ZNF365: variants seen among roughly 807,000 people sequenced by gnomAD.
ZNF365 encodes the protein zinc finger protein 365, also known as protein ZNF365.
A neutral mutation model predicts 35.0 loss-of-function variants in ZNF365; 22 were observed. The observed-to-expected ratio is 0.63, with a 90% CI of 0.45 to 0.90. The LOEUF (loss-of-function observed/expected upper bound fraction) is 0.90. ZNF365 is among the 40% of genes least tolerant of loss of function. The pLI, the probability that ZNF365 is intolerant of heterozygous loss-of-function variation, is 0.00. For missense variants in ZNF365, 448 were observed against 500.3 expected (o/e 0.90, Z 1.00); for synonymous variants, 188 against 196.2 (o/e 0.96, Z 0.35).
At position 62,419,390 on chromosome 10, in the gene ZNF365, G is replaced by A. The variant is rs550684484; in HGVS notation, c.924+30814G>A. Among the ~76,000 whole-genome samples, 4 of 151,682 alleles carry A rather than the reference G, an allele frequency of 2.6e-5. 1 individual carries two copies. The East Asian group carries it at 7.8e-4, about 30-fold the overall frequency. On this transcript the variant is annotated intron_variant, in intron 3 of 4. Transcript: ENST00000395255. ...GCTGAGGCAAAACATATAATTTAAA[G>A]GGTTTATTTGAGCCAAAGGGAGGAC...
At chr10:62,434,194 G>A (rs74158904) in intron 3 of ZNF365, among the ~76,000 whole-genome samples, 20,265 of 152,140 alleles carry the variant, frequency 0.13, 1,450 homozygotes, top group African/African-American at 0.17. Flanking sequence ...GTTCAGACAA[G>A]TTTGGGAAAC....
In ZNF365 at chr10:62,396,262, T is replaced by C. The variant is rs115597325; in HGVS notation, c.925-2478T>C. ...TATGTATGTACATGAACACATAGTT[T>C]TTAAGAATACAGTACAGAGTGAAGC... is the stretch of plus-strand genomic sequence containing the variant. On this transcript the variant is annotated intron_variant, in intron 3 of 4. Transcript: ENST00000395254. 1.7e-3 allele frequency among the ~76,000 whole-genome samples: 260 copies of C among 152,360 alleles called. 1 individual carries two copies. The highest frequency in any genetic ancestry group is 6.0e-3 in the African/African-American group (249 of 41,586).
intron 3 of ZNF365, among the ~76,000 whole-genome samples, chr10:62,415,659 G>T (rs1296073882): frequency 1.3e-5 from 2 of 152,142 alleles, no homozygotes; most frequent in Non-Finnish European, 2.9e-5. Context: ...TATGTTTTCT[G>T]TTTAACTTTT....
chr10:62,452,534 T>C (rs1301253498), intron 3 of ZNF365, among the ~76,000 whole-genome samples: 1 of 152,230 alleles, frequency 6.6e-6, no homozygotes, highest in Non-Finnish European at 1.5e-5. Context: ...TCCTTGAAGC[T>C]ACATATTAAG....
chr10:62,450,477 C>T (rs552958486), intron 3 of ZNF365, among the ~76,000 whole-genome samples: 1 of 152,140 alleles, frequency 6.6e-6, no homozygotes, highest in African/African-American at 2.4e-5. Flanking sequence ...TCTTGAGATT[C>T]TTAATAATTT....
chr10:62,466,706 T>C (rs1004727276), intron 4 of ZNF365, among the ~76,000 whole-genome samples: 21 of 152,192 alleles, frequency 1.4e-4, no homozygotes, highest in African/African-American at 5.1e-4. Context: ...AGTTTTTTTT[T>C]TTTCTTAATC....
intron 3 of ZNF365, among the ~76,000 whole-genome samples, chr10:62,436,066 CTG>C (rs1330796588): frequency 6.6e-6 from 1 of 152,104 alleles, no homozygotes; most frequent in East Asian, 1.9e-4. Context: ...TACTTTAAGA[CTG>C]TTACTTTTCT....
chr10:62,446,862 G>T (rs1343122169), intron 3 of ZNF365, among the ~76,000 whole-genome samples: 1 of 152,064 alleles, frequency 6.6e-6, no homozygotes, highest in Non-Finnish European at 1.5e-5. Context: ...TGTGGGAGGC[G>T]GTAGTGGAGG....
At chr10:62,478,819 C>A (rs2132497879) in intron 4 of ZNF365, among the ~76,000 whole-genome samples, 1 of 152,208 alleles carries the variant, frequency 6.6e-6, no homozygotes, top group East Asian at 1.9e-4. Context: ...CGTGATCTGC[C>A]TGCCTCGGCC....
rs566293201 is a variant in ZNF365, at chr10:62,422,571, G to A, written c.924+33995G>A. Among the ~76,000 whole-genome samples, 9 of 152,316 alleles carry A rather than the reference G, an allele frequency of 5.9e-5. No homozygotes were observed. The East Asian group carries it at 1.7e-3, about 29-fold the overall frequency. Reference sequence around the variant, plus strand: ...CATGTCTATGGCAGCTAGAGGTGCTGTACAAATGGAGCTGTGAGAAAACCC... The same window carrying A: ...CATGTCTATGGCAGCTAGAGGTGCTATACAAATGGAGCTGTGAGAAAACCC... On this transcript the variant is annotated intron_variant, in intron 3 of 4. Coordinates refer to the ZNF365 transcript ENST00000395255.
At chr10:62,438,002 T>C (rs1476896106) in intron 3 of ZNF365, among the ~76,000 whole-genome samples, 1 of 152,198 alleles carries the variant, frequency 6.6e-6, no homozygotes, top group Non-Finnish European at 1.5e-5. Flanking sequence ...TAACAGCTGG[T>C]GCTGGACAGC....
intron 3 of ZNF365, among the ~76,000 whole-genome samples, chr10:62,417,292 C>T (rs1032196741): frequency 6.6e-6 from 1 of 152,066 alleles, no homozygotes; most frequent in Non-Finnish European, 1.5e-5. Flanking sequence ...TAGACTACTT[C>T]AGTACTTTGT....
intron 4 of ZNF365, among the ~76,000 whole-genome samples, chr10:62,468,891 T>C (rs1290086954): frequency 6.6e-6 from 1 of 152,204 alleles, no homozygotes; most frequent in African/African-American, 2.4e-5. Flanking sequence ...AGATCAACTG[T>C]AGAAAGGGCA....
intron 3 of ZNF365, among the ~76,000 whole-genome samples, chr10:62,449,714 A>G (rs954957084): frequency 6.6e-6 from 1 of 152,146 alleles, no homozygotes; most frequent in Non-Finnish European, 1.5e-5. Context: ...CAAAATTGTC[A>G]CTATCATCTT....
chr10:62,476,327 G>A (rs1042253090), intron 4 of ZNF365, among the ~76,000 whole-genome samples: 1 of 152,140 alleles, frequency 6.6e-6, no homozygotes, highest in African/African-American at 2.4e-5. Context: ...GATTTGGGAG[G>A]AAAAGTGTGC....
chr10:62,459,849 G>T, intron 4 of ZNF365: 3 of 1,528,576 alleles, frequency 2.0e-6, no homozygotes, highest in Non-Finnish European at 2.7e-6. Context: ...ATAACCAGCA[G>T]CCCATCTGGG....
At chr10:62,468,772 G>A (rs1840985465) in intron 4 of ZNF365, among the ~76,000 whole-genome samples, 1 of 152,180 alleles carries the variant, frequency 6.6e-6, no homozygotes. Flanking sequence ...ATTAACAGCA[G>A]AAACAATAGC....
chr10:62,386,349 C>T (rs910727585), intron 2 of ZNF365, among the ~76,000 whole-genome samples: 2 of 151,932 alleles, frequency 1.3e-5, no homozygotes, highest in Non-Finnish European at 2.9e-5. Context: ...TGAAACTTGA[C>T]GATGAAAAAA....
At chr10:62,423,195 C>T (rs913310667) in intron 3 of ZNF365, among the ~76,000 whole-genome samples, 5 of 142,914 alleles carry the variant, frequency 3.5e-5, no homozygotes, top group African/African-American at 1.3e-4. Context: ...CTGGTCTATA[C>T]AACATTTTTA....
Sources: gnomAD v4.1 joint callset for allele counts (sites outside exome capture counted in the v4.1 genomes callset) on GRCh38, gnomAD v4.1.1 for gene constraint, MANE v1.5 for transcripts, NCBI Gene and HGNC (gene_info 2026-07-23, HGNC 2026-07-21) for gene names.